The following GABPB2 variants were observed in gnomAD, a reference collection of about 807,000 sequenced individuals.
The protein encoded by GABPB2 is GA-binding protein subunit beta-2.
Under a neutral mutation model 39.1 loss-of-function variants are expected in GABPB2, and 23 were observed. The observed-to-expected ratio is 0.59, with a 90% CI of 0.42 to 0.83. The LOEUF (loss-of-function observed/expected upper bound fraction) is 0.83, where lower values mean the gene tolerates loss of function less well. Among genes scored for constraint, GABPB2 ranks in the 40% least tolerant of loss-of-function variants. The pLI is 0.00. For missense variants in GABPB2, 467 were observed against 541.1 expected (o/e 0.86, Z 1.36); for synonymous variants, 184 against 199.3 (o/e 0.92, Z 0.65).
rs1346647211 is a variant in GABPB2 at position 151,082,577 on chromosome 1, T to G, written c.1-5613T>G. On this transcript the variant is annotated intron_variant, in intron 1 of 8. Transcript: ENST00000368918. The stretch of plus-strand genomic sequence containing the variant: ...ACCACCATGCCCAGCTAATTTTTTT[T>G]TTTTTGTATTTTTAGTAGAGATGCG... Among the ~76,000 whole-genome samples the G allele has an allele frequency of 2.7e-5, 4 of 150,802 alleles. No homozygotes were observed. The Admixed American group carries it at 2.7e-4, about 10-fold the overall frequency.
At position 151,118,414 on chromosome 1, in the gene GABPB2, A is replaced by C; in HGVS notation, c.*158A>C. 1 of 679,100 alleles carries C rather than the reference A, an allele frequency of 1.5e-6. No individual in the cohort carries two copies. The highest frequency in any genetic ancestry group is 2.8e-5 in the East Asian group (1 of 35,656). The allele number at this position is 679,100 out of a possible 1,614,324, so 42.1% of individuals were successfully genotyped here. On this transcript the variant is annotated 3_prime_UTR_variant, in exon 9 of 9. Transcript: ENST00000368918. Reference sequence around the variant, plus strand: ...GCTCAGGAAGTTTCTCTGTGCAACTAGAAAATTCAAAGCCATATTTAGGGA... The same window carrying C: ...GCTCAGGAAGTTTCTCTGTGCAACTCGAAAATTCAAAGCCATATTTAGGGA...
At chr1:151,088,026 T>C in intron 1 of GABPB2, 164 bp from the exon 2 acceptor site, 1 of 567,318 alleles carries the variant, frequency 1.8e-6, no homozygotes, top group Non-Finnish European at 3.2e-6. Context: ...AAATATTTTA[T>C]TGTTTGTGTT....
In GABPB2 at chr1:151,090,331, T is replaced by C. The variant is rs1482626134; in HGVS notation, c.109-75T>C. ...CTTGAAGGACAAGAACCATAGCTTGTTCATTTGTATCTCTCCAGTAACGAT... is the reference window on the plus strand; with the variant it reads ...CTTGAAGGACAAGAACCATAGCTTGCTCATTTGTATCTCTCCAGTAACGAT... On this transcript the variant is annotated intron_variant, in intron 2 of 8. Coordinates refer to ENST00000368918, the MANE Select transcript of GABPB2 (RefSeq NM_144618.3). 3 of 1,329,726 alleles carry C rather than the reference T, an allele frequency of 2.3e-6. No homozygotes were observed. The East Asian group carries it at 7.2e-5, about 32-fold the overall frequency. The allele number at this position is 1,329,726 out of a possible 1,614,324, so 82.4% of individuals were successfully genotyped here.
At chr1:151,117,174 T>G (rs1036024130) in intron 7 of GABPB2, among the ~76,000 whole-genome samples, 15 of 152,206 alleles carry the variant, frequency 9.9e-5, no homozygotes, top group Non-Finnish European at 2.9e-5. Flanking sequence ...TCTTTGCTTT[T>G]TTGTTGAGAT....
At chr1:151,095,467 GA>G (rs1476696487) in intron 4 of GABPB2, among the ~76,000 whole-genome samples, 9 of 152,264 alleles carry the variant, frequency 5.9e-5, no homozygotes, top group Admixed American at 5.9e-4. Flanking sequence ...TGATTGTTTG[GA>G]ATGTGGCACA....
At chr1:151,094,962 A>G (rs1315130560) in intron 4 of GABPB2, among the ~76,000 whole-genome samples, 1 of 150,430 alleles carries the variant, frequency 6.6e-6, no homozygotes, top group Non-Finnish European at 1.5e-5. Flanking sequence ...GTGAGCCAAG[A>G]TCGCGCCACT....
chr1:151,094,831 A>C (rs930133398), intron 4 of GABPB2, among the ~76,000 whole-genome samples: 19 of 151,072 alleles, frequency 1.3e-4, no homozygotes, highest in Non-Finnish European at 2.5e-4. Flanking sequence ...ATATGGTGAA[A>C]TCCCGTCTCT....
At chr1:151,113,312 C>T (rs779691210) in intron 7 of GABPB2, among the ~76,000 whole-genome samples, 1 of 151,748 alleles carries the variant, frequency 6.6e-6, no homozygotes, top group East Asian at 2.0e-4. Context: ...ACTAAAAATA[C>T]AAAAAAATTA....
intron 2 of GABPB2, chr1:151,088,540 TATA>T (rs1229670857): frequency 2.1e-6 from 2 of 971,940 alleles, no homozygotes; most frequent in South Asian, 3.0e-5. Context: ...TGTGATTTTC[TATA>T]ATGTTTTTTA....
At chr1:151,115,135 C>T (rs747366642) in intron 7 of GABPB2, among the ~76,000 whole-genome samples, 3 of 151,980 alleles carry the variant, frequency 2.0e-5, no homozygotes, top group Middle Eastern at 6.8e-3. Flanking sequence ...CAAACTTGGG[C>T]GGATCACCTG....
intron 7 of GABPB2, among the ~76,000 whole-genome samples, chr1:151,107,490 A>G (rs1680058880): frequency 6.6e-6 from 1 of 151,510 alleles, no homozygotes; most frequent in East Asian, 1.9e-4. Flanking sequence ...AAAAAAATGT[A>G]CTGATGGCTC....
At chr1:151,095,207 AAG>A (rs1333538116) in intron 4 of GABPB2, among the ~76,000 whole-genome samples, 1 of 152,276 alleles carries the variant, frequency 6.6e-6, no homozygotes, top group East Asian at 1.9e-4. Context: ...AGCCTAGAAA[AAG>A]AGCAAATCAA....
At chr1:151,115,474 A>C (rs1178970203) in intron 7 of GABPB2, among the ~76,000 whole-genome samples, 1 of 151,072 alleles carries the variant, frequency 6.6e-6, no homozygotes, top group Non-Finnish European at 1.5e-5. Flanking sequence ...TATCTCAGCT[A>C]ACAGCAACCT....
chr1:151,091,377 C>T (rs587719765), intron 3 of GABPB2, among the ~76,000 whole-genome samples: 18 of 149,082 alleles, frequency 1.2e-4, no homozygotes, highest in East Asian at 1.0e-3. Flanking sequence ...TGTGAGTCAC[C>T]GCACCTGACT....
At chr1:151,101,272 A>G (rs1453491519) in intron 5 of GABPB2, among the ~76,000 whole-genome samples, 1 of 151,746 alleles carries the variant, frequency 6.6e-6, no homozygotes, top group Admixed American at 6.6e-5. Flanking sequence ...AATTAAGAGT[A>G]CATTTAAAAA....
intron 5 of GABPB2, among the ~76,000 whole-genome samples, chr1:151,099,207 T>C (rs1207289594): frequency 1.3e-5 from 2 of 151,306 alleles, no homozygotes; most frequent in Non-Finnish European, 2.9e-5. Flanking sequence ...ATTTTTTATT[T>C]TTTTCTCCAA....
At chr1:151,091,921 T>A (rs749832032) in intron 3 of GABPB2, among the ~76,000 whole-genome samples, 5 of 151,260 alleles carry the variant, frequency 3.3e-5, no homozygotes, top group Non-Finnish European at 5.9e-5. Context: ...CTGGGAGGAC[T>A]ACAGGCATGC....
In GABPB2 at chr1:151,109,364, A is replaced by ATATATATAT. The variant is rs779537595; in HGVS notation, c.922+2143_922+2144insATATATATT. 3.6e-3 allele frequency among the ~76,000 whole-genome samples: 400 copies of ATATATATAT among 112,366 alleles called. 4 individuals are homozygous for ATATATATAT. The highest frequency in any genetic ancestry group is 5.4e-3 in the African/African-American group (159 of 29,642). The allele number at this position is 112,366 out of a possible 152,430, so 73.7% of individuals were successfully genotyped here. A position where few individuals can be genotyped will look rare whatever the true frequency, so the allele number is the denominator to read the frequency against. On this transcript the variant is annotated intron_variant, in intron 7 of 8. Coordinates refer to ENST00000368918, the MANE Select transcript of GABPB2 (RefSeq NM_144618.3). ...CACAAATATATATATATATATATAT[A>ATATATATAT]TTTTTTTTTTTGAGTCAGAATCTTG...
In GABPB2 at chr1:151,103,582, G is replaced by A; in HGVS notation, c.643G>A (p.Val215Ile). ...TTSGDPHAST[V>I]QFSNSTTSVL... ...AATAGGTGACCCCCATGCCTCAACAGTACAGTTTTCAAATTCTACCACCTC... is the reference window on the plus strand; with the variant it reads ...AATAGGTGACCCCCATGCCTCAACAATACAGTTTTCAAATTCTACCACCTC... Residue 215 changes from valine to isoleucine, a missense_variant, in exon 6 of 9, where the codon GTA (valine) becomes ATA (isoleucine). By Grantham distance (29) the Val-to-Ile change is conservative. Transcript: ENST00000368918. 3 of 1,613,790 alleles carry A rather than the reference G, an allele frequency of 1.9e-6. No individual in the cohort carries two copies. Among genetic ancestry groups the A allele is most frequent in the Non-Finnish European group, 2.5e-6 (3 of 1,179,766 alleles).
Sources: gnomAD v4.1 joint callset for allele counts (sites outside exome capture counted in the v4.1 genomes callset) on GRCh38, gnomAD v4.1.1 for gene constraint, MANE v1.5 for transcripts, NCBI Gene and HGNC (gene_info 2026-07-23, HGNC 2026-07-21) for gene names.